The following CACNB2 variants were observed in gnomAD, a reference collection of about 807,000 sequenced individuals.
The protein encoded by CACNB2 is calcium voltage-gated channel auxiliary subunit beta 2.
In CACNB2, 42 loss-of-function variants were observed where a neutral mutation model predicts 73.3. That is an observed-to-expected ratio of 0.57 (90% CI 0.45 to 0.74). The LOEUF (loss-of-function observed/expected upper bound fraction) is 0.74, where lower values mean the gene tolerates loss of function less well. CACNB2 is among the 30% of genes least tolerant of loss of function. The pLI is 0.00. For synonymous variants in CACNB2, 348 were observed against 310.3 expected (o/e 1.12, Z -1.28); for missense variants, 940 against 853.0 (o/e 1.10, Z -1.27).
At chr10:18,396,001 A>C (rs2043696123) in intron 2 of CACNB2, among the ~76,000 whole-genome samples, 1 of 152,134 alleles carries the variant, frequency 6.6e-6, no homozygotes, top group Non-Finnish European at 1.5e-5. Flanking sequence ...CTGTCACCCA[A>C]GCTGGAGTAC....
At chr10:18,448,479 T>TAA (rs56255761) in intron 3 of CACNB2, among the ~76,000 whole-genome samples, 19,431 of 106,088 alleles carry the variant, frequency 0.18, 1,692 homozygotes, top group Non-Finnish European at 0.21. Context: ...CTCTCTCATT[T>TAA]AAAAAAAAAA....
intron 2 of CACNB2, among the ~76,000 whole-genome samples, chr10:18,324,362 C>G (rs1253508601): frequency 2.0e-5 from 3 of 152,022 alleles, no homozygotes; most frequent in African/African-American, 7.2e-5. Context: ...TGGAGTTTGC[C>G]AGGAAGACAA....
chr10:18,430,410 A>G (rs2045829244), intron 3 of CACNB2, among the ~76,000 whole-genome samples: 1 of 152,128 alleles, frequency 6.6e-6, no homozygotes, highest in African/African-American at 2.4e-5. Context: ...GTTGCAGGTT[A>G]ACTTCTAAAG....
At chr10:18,371,186 G>C (rs145066534) in intron 2 of CACNB2, among the ~76,000 whole-genome samples, 2 of 150,372 alleles carry the variant, frequency 1.3e-5, no homozygotes, top group African/African-American at 4.9e-5. Flanking sequence ...TCTGATTACT[G>C]TTAAGTTTAC....
At chr10:18,452,997 C>T (rs929740767) in intron 3 of CACNB2, among the ~76,000 whole-genome samples, 1 of 152,204 alleles carries the variant, frequency 6.6e-6, no homozygotes, top group Non-Finnish European at 1.5e-5. Context: ...AGCATCCATG[C>T]AGTTGCTCAA....
Position 18,311,518 on chromosome 10 carries a change from A to T in CACNB2, c.214-90406A>T, listed in dbSNP as rs527366817. Among the ~76,000 whole-genome samples, 194 of 152,324 alleles carry T rather than the reference A, an allele frequency of 1.3e-3. 1 individual carries two copies. Among genetic ancestry groups the T allele is most frequent in the Admixed American group, 2.3e-3 (35 of 15,296 alleles). Reference sequence around the variant, plus strand: ...GACCAGAAGCTTTACCAAGAACATCAACAGTCAGTTAACACATGTGTTGTG... The same window carrying T: ...GACCAGAAGCTTTACCAAGAACATCTACAGTCAGTTAACACATGTGTTGTG... On this transcript the variant is annotated intron_variant, in intron 2 of 13. Coordinates refer to ENST00000324631, the MANE Select transcript of CACNB2 (RefSeq NM_201596.3).
At chr10:18,340,003 T>G (rs2041167547) in intron 2 of CACNB2, among the ~76,000 whole-genome samples, 1 of 152,216 alleles carries the variant, frequency 6.6e-6, no homozygotes, top group Non-Finnish European at 1.5e-5. Context: ...TGATTTCAGT[T>G]TGTATTTCCT....
At chr10:18,189,917 C>T (rs372007508) in intron 2 of CACNB2, among the ~76,000 whole-genome samples, 6 of 152,070 alleles carry the variant, frequency 3.9e-5, no homozygotes, top group African/African-American at 1.4e-4. Flanking sequence ...AGTTGTTTCC[C>T]GACACCCTGG....
intron 2 of CACNB2, among the ~76,000 whole-genome samples, chr10:18,377,994 G>A (rs778975375): frequency 2.0e-5 from 3 of 152,130 alleles, no homozygotes; most frequent in Non-Finnish European, 2.9e-5. Flanking sequence ...TTGAAAGGTC[G>A]TTGTCTTCAT....
intron 3 of CACNB2, among the ~76,000 whole-genome samples, chr10:18,461,317 A>C (rs1789023310): frequency 6.6e-6 from 1 of 152,002 alleles, no homozygotes; most frequent in Non-Finnish European, 1.5e-5. Flanking sequence ...TATCTTTTGA[A>C]CTTTATCCAG....
chr10:18,367,306 T>C (rs572178916), intron 2 of CACNB2, among the ~76,000 whole-genome samples: 14 of 152,278 alleles, frequency 9.2e-5, no homozygotes, highest in African/African-American at 3.1e-4. Flanking sequence ...TTTTGTTATA[T>C]GCGGAATTAT....
chr10:18,502,489 G>C (rs993578321), intron 5 of CACNB2, among the ~76,000 whole-genome samples: 1 of 149,752 alleles, frequency 6.7e-6, no homozygotes, highest in Admixed American at 6.7e-5. Context: ...AAGAGATTGA[G>C]ACCATCCTGG....
intron 2 of CACNB2, chr10:18,340,724 G>C (rs2041197188): frequency 6.9e-7 from 1 of 1,455,430 alleles, no homozygotes; most frequent in African/African-American, 1.4e-5. Flanking sequence ...AGTGGTTCTG[G>C]AACAGAGAGC....
At chr10:18,500,518 G>C (rs2050135683) in intron 4 of CACNB2, among the ~76,000 whole-genome samples, 1 of 152,022 alleles carries the variant, frequency 6.6e-6, no homozygotes. Context: ...GTTATTCTTT[G>C]AACCCAGAGA....
At chr10:18,377,250 A>G (rs889466835) in intron 2 of CACNB2, among the ~76,000 whole-genome samples, 19 of 152,348 alleles carry the variant, frequency 1.2e-4, no homozygotes, top group African/African-American at 3.8e-4. Flanking sequence ...TGGCTTCTAA[A>G]GTTAAACTCC....
intron 2 of CACNB2, among the ~76,000 whole-genome samples, chr10:18,265,442 T>G (rs2037753034): frequency 6.6e-6 from 1 of 152,204 alleles, no homozygotes; most frequent in Admixed American, 6.5e-5. Flanking sequence ...TTTAGCCATC[T>G]TCTTTTGTGA....
intron 2 of CACNB2, among the ~76,000 whole-genome samples, chr10:18,192,444 C>A (rs2034444588): frequency 6.6e-6 from 1 of 152,110 alleles, no homozygotes; most frequent in African/African-American, 2.4e-5. Context: ...AACTCCTGGG[C>A]TCAAGTGATC....
chr10:18,307,106 A>T (rs551949502), intron 2 of CACNB2, among the ~76,000 whole-genome samples: 39 of 152,256 alleles, frequency 2.6e-4, no homozygotes, highest in Middle Eastern at 6.8e-3. Context: ...GAGAAAAAAA[A>T]AATAAGCTAG....
chr10:18,382,580 C>T (rs1181417881), intron 2 of CACNB2, among the ~76,000 whole-genome samples: 1 of 152,094 alleles, frequency 6.6e-6, no homozygotes, highest in Non-Finnish European at 1.5e-5. Context: ...CGTTGTTCCC[C>T]TCCCTGTGTC....
Sources: gnomAD v4.1 joint callset for allele counts (sites outside exome capture counted in the v4.1 genomes callset) on GRCh38, gnomAD v4.1.1 for gene constraint, MANE v1.5 for transcripts, NCBI Gene and HGNC (gene_info 2026-07-23, HGNC 2026-07-21) for gene names.